The following MYT1L variants were observed in gnomAD, a reference collection of about 807,000 sequenced individuals.
MYT1L encodes the protein myelin transcription factor 1 like, also known as myelin transcription factor 1-like protein.
Under a neutral mutation model 126.7 loss-of-function variants are expected in MYT1L, and 12 were observed. The observed-to-expected ratio is 0.09, with a 90% CI of 0.06 to 0.15. The LOEUF is 0.15. Ranked by LOEUF, MYT1L falls within the 10% of genes least tolerant of loss-of-function variation. MYT1L has a pLI of 1.00. For missense variants in MYT1L, 979 were observed against 1,585.2 expected (o/e 0.62, Z 6.49); for synonymous variants, 541 against 604.2 (o/e 0.90, Z 1.53).
At chr2:1,983,678 G>A (rs926079664) in intron 5 of MYT1L, among the ~76,000 whole-genome samples, 2 of 152,182 alleles carry the variant, frequency 1.3e-5, no homozygotes, top group Non-Finnish European at 2.9e-5. Context: ...CCCACCACTG[G>A]CGACTGTCAT....
chr2:2,199,751 C>A (rs537807830), intron 2 of MYT1L, among the ~76,000 whole-genome samples: 2 of 152,306 alleles, frequency 1.3e-5, no homozygotes, highest in East Asian at 3.9e-4. Flanking sequence ...CTCTGAAGCA[C>A]TTCTTCCTCT....
chr2:2,023,292 C>G (rs2065209271), intron 4 of MYT1L, among the ~76,000 whole-genome samples: 1 of 152,182 alleles, frequency 6.6e-6, no homozygotes, highest in South Asian at 2.1e-4. Context: ...ACTGCATAGA[C>G]TCGTGCATGA....
intron 3 of MYT1L, among the ~76,000 whole-genome samples, chr2:2,140,974 A>G (rs1306902516): frequency 6.6e-6 from 1 of 152,238 alleles, no homozygotes; most frequent in African/African-American, 2.4e-5. Flanking sequence ...CTATATAATC[A>G]TAGAAATTTC....
rs1474384934 is a variant in MYT1L, at chr2:1,793,722, C to T, written c.3277-1258G>A. Reference sequence around the variant, plus strand: ...CCCCCACCATTCCTGCAGGGACGGTCCCCTGTGGAGAACACACTGAAATCA... The same window carrying T: ...CCCCCACCATTCCTGCAGGGACGGTTCCCTGTGGAGAACACACTGAAATCA... On this transcript the variant is annotated intron_variant, in intron 23 of 24. Transcript: ENST00000647738. This position sits in a 1 kb window ranked among gnomAD's most constrained non-coding sequence, Gnocchi z 4.6. 2.6e-5 allele frequency among the ~76,000 whole-genome samples: 4 copies of T among 152,206 alleles called. No individual in the cohort carries two copies. Among genetic ancestry groups the T allele is most frequent in the Non-Finnish European group, 4.4e-5 (3 of 68,034 alleles).
intron 1 of MYT1L, among the ~76,000 whole-genome samples, chr2:2,286,697 C>T (rs1018643174): frequency 6.6e-6 from 1 of 152,132 alleles, no homozygotes; most frequent in Non-Finnish European, 1.5e-5. Context: ...CACTTGGACA[C>T]AGCAGGAGAG....
At chr2:2,030,209 T>C (rs1484338450) in intron 4 of MYT1L, among the ~76,000 whole-genome samples, 3 of 152,198 alleles carry the variant, frequency 2.0e-5, no homozygotes, top group African/African-American at 4.8e-5. Context: ...GTGATTCTCC[T>C]GCCTCAGCCT....
intron 2 of MYT1L, among the ~76,000 whole-genome samples, chr2:2,199,365 TG>T (rs2092957989): frequency 6.6e-6 from 1 of 152,230 alleles, no homozygotes; most frequent in Non-Finnish European, 1.5e-5. Context: ...ACTGCCTTCT[TG>T]CCGGCCACAA....
chr2:1,958,271 A>T (rs1159942013), intron 8 of MYT1L, among the ~76,000 whole-genome samples: 1 of 152,144 alleles, frequency 6.6e-6, no homozygotes, highest in African/African-American at 2.4e-5. Context: ...CTGCAGATGG[A>T]ACCCAGAGAG....
chr2:1,999,705 CAT>C (rs745320794), intron 4 of MYT1L, among the ~76,000 whole-genome samples: 28 of 152,246 alleles, frequency 1.8e-4, no homozygotes, highest in Non-Finnish European at 3.4e-4. Flanking sequence ...CATGCTGTGA[CAT>C]ATGTGGGGTG....
chr2:2,157,736 T>C (rs1312928746), intron 3 of MYT1L, among the ~76,000 whole-genome samples: 1 of 152,224 alleles, frequency 6.6e-6, no homozygotes, highest in Non-Finnish European at 1.5e-5. Context: ...ATATGCATGG[T>C]TTGCTTTGCT....
chr2:2,139,045 T>TA (rs1464580800), intron 3 of MYT1L, among the ~76,000 whole-genome samples: 1 of 151,696 alleles, frequency 6.6e-6, no homozygotes, highest in Non-Finnish European at 1.5e-5. Context: ...AGCAGGGAGA[T>TA]AATTATAGGA....
At chr2:2,086,682 C>T (rs115694078) in intron 3 of MYT1L, among the ~76,000 whole-genome samples, 2,707 of 152,248 alleles carry the variant, frequency 0.018, 81 homozygotes, top group African/African-American at 0.06. Flanking sequence ...CCCCGGTGAC[C>T]GAACCCCAGG....
chr2:2,172,721 C>T lies in MYT1L; in HGVS notation c.-304+151G>A, dbSNP rs545042164. On this transcript the variant is annotated intron_variant, in intron 3 of 24. Transcript: ENST00000647738. The stretch of plus-strand genomic sequence containing the variant: ...TGCTGGGCAGGGGTACCTGCACTGT[C>T]ACCAGGAGCCCCTTGCTGGGCAGGG... Among the ~76,000 whole-genome samples the T allele has an allele frequency of 5.8e-4, 85 of 146,232 alleles. 1 individual carries two copies. In the South Asian group the frequency reaches 0.019, roughly 32 times the overall value.
Position 2,091,157 on chromosome 2 carries a change from C to T in MYT1L, c.-303-37034G>A, listed in dbSNP as rs1357434332. ...AGTTTTCAATTGACTTTGCCCAGAT[C>T]CATCAGAGAAATCACTATCCATAGC... On this transcript the variant is annotated intron_variant, in intron 3 of 24. Coordinates refer to ENST00000647738, the MANE Select transcript of MYT1L (RefSeq NM_001303052.2). 3.9e-5 allele frequency among the ~76,000 whole-genome samples: 6 copies of T among 152,308 alleles called. No individual in the cohort carries two copies. The East Asian group carries it at 1.2e-3, about 29-fold the overall frequency.
intron 3 of MYT1L, among the ~76,000 whole-genome samples, chr2:2,169,434 CAT>C (rs2089669489): frequency 6.6e-6 from 1 of 152,204 alleles, no homozygotes. Flanking sequence ...GGCTAAATCA[CAT>C]ATGATACAGA....
At chr2:2,158,645 A>ACG (rs1172503506) in intron 3 of MYT1L, among the ~76,000 whole-genome samples, 2 of 150,752 alleles carry the variant, frequency 1.3e-5, no homozygotes, top group African/African-American at 4.9e-5. Context: ...ACACACACAC[A>ACG]CACGCGTAGG....
chr2:2,092,974 T>C (rs552490565), intron 3 of MYT1L, among the ~76,000 whole-genome samples: 1 of 152,354 alleles, frequency 6.6e-6, no homozygotes, highest in East Asian at 1.9e-4. Context: ...TGGGTGTGTG[T>C]GTAACTTTGA....
chr2:1,954,994 GA>G (rs561191143), intron 8 of MYT1L, among the ~76,000 whole-genome samples: 149 of 151,626 alleles, frequency 9.8e-4, no homozygotes, highest in African/African-American at 3.4e-3. Flanking sequence ...AAGAAAGAAA[GA>G]AAAAAAGTTA....
intron 1 of MYT1L, among the ~76,000 whole-genome samples, chr2:2,299,799 GA>G (rs2095755745): frequency 1.3e-5 from 2 of 152,130 alleles, no homozygotes; most frequent in Admixed American, 6.6e-5. Flanking sequence ...ATGATTGTTT[GA>G]AACATCCAGT....
Sources: allele counts gnomAD v4.1 joint callset (sites outside exome capture counted in the v4.1 genomes callset), GRCh38; gene constraint gnomAD v4.1.1; non-coding constraint Gnocchi (gnomAD v3.1); transcripts MANE v1.5; gene names NCBI Gene and HGNC (gene_info 2026-07-23, HGNC 2026-07-21).